The following FOXP4 variants were observed in gnomAD, a reference collection of about 807,000 sequenced individuals.
FOXP4 encodes forkhead box P4.
Under a neutral mutation model 82.6 loss-of-function variants are expected in FOXP4, and 25 were observed. The observed-to-expected ratio is 0.30, with a 90% CI of 0.22 to 0.42. FOXP4 has a LOEUF of 0.42. FOXP4 is among the 10% of genes least tolerant of loss of function. FOXP4 has a pLI of 1.00. For missense variants in FOXP4, 785 were observed against 900.9 expected (o/e 0.87, Z 1.65); for synonymous variants, 415 against 388.2 (o/e 1.07, Z -0.81).
intron 3 of FOXP4, among the ~76,000 whole-genome samples, chr6:41,583,234 T>TTGGGAGCCA: frequency 6.6e-6 from 1 of 152,154 alleles, no homozygotes; most frequent in East Asian, 1.9e-4. Context: ...GCGAGAGGTG[T>TTGGGAGCCA]TGGGAGCCAT....
chr6:41,584,524 T>A (rs752391635), intron 3 of FOXP4, among the ~76,000 whole-genome samples: 1 of 152,262 alleles, frequency 6.6e-6, no homozygotes, highest in South Asian at 2.1e-4. Context: ...ATTCACTGAT[T>A]AGTCCTTATG....
chr6:41,596,994 G>A (rs1168119264), intron 14 of FOXP4, among the ~76,000 whole-genome samples, 182 bp from the exon 15 acceptor site: 6 of 152,156 alleles, frequency 3.9e-5, no homozygotes, highest in East Asian at 1.9e-4. Flanking sequence ...CCAGTTGAGC[G>A]TGAAGACCGA....
chr6:41,563,263 C>T (rs557872498), intron 1 of FOXP4, among the ~76,000 whole-genome samples: 217 of 152,304 alleles, frequency 1.4e-3, no homozygotes, highest in Non-Finnish European at 2.4e-3. Flanking sequence ...TATCTCCTCC[C>T]GACTCTGCTT....
At chr6:41,597,041 C>T (rs1314301214) in intron 14 of FOXP4, 135 bp from the exon 15 acceptor site, 1 of 877,636 alleles carries the variant, frequency 1.1e-6, no homozygotes. Flanking sequence ...AAGACAGCGG[C>T]TGATCCGCCC....
At chr6:41,594,765 G>T in intron 13 of FOXP4, 105 bp from the exon 14 acceptor site, 1 of 1,531,280 alleles carries the variant, frequency 6.5e-7, no homozygotes, top group Non-Finnish European at 8.8e-7. Context: ...CCTGAGCTGG[G>T]GAAGGTGGGC....
At chr6:41,596,116 T>C (rs1766818379) in intron 14 of FOXP4, among the ~76,000 whole-genome samples, 1 of 152,206 alleles carries the variant, frequency 6.6e-6, no homozygotes, top group Admixed American at 6.5e-5. Flanking sequence ...CAGGCTGATC[T>C]CGAACTCCTG....
rs1368290628 is a variant in FOXP4 at position 41,587,143 on chromosome 6, G to C, written c.645G>C (p.Gln215His). ...LQPNQASGPL[Q>H]TLPQAAVCPT... ...CCAACCAAGCCTCGGGGCCCCTCCA[G>C]ACCCTTCCGCAAGGTGAGCACCCGC... The change falls in exon 6 of 17, where the codon CAG becomes CAC. Residue 215 changes from glutamine to histidine, a missense_variant. Coordinates refer to ENST00000307972, the MANE Select transcript of FOXP4 (RefSeq NM_001012426.2). 1 of 1,603,688 alleles carries C rather than the reference G, an allele frequency of 6.2e-7. No individual in the cohort carries two copies. Among genetic ancestry groups the C allele is most frequent in the Non-Finnish European group, 8.5e-7 (1 of 1,176,058 alleles).
chr6:41,577,374 T>C (rs1330931793), intron 2 of FOXP4, among the ~76,000 whole-genome samples: 1 of 152,174 alleles, frequency 6.6e-6, no homozygotes, highest in African/African-American at 2.4e-5. Flanking sequence ...TCCTCCCAAC[T>C]GTGTGCTCTG....
intron 1 of FOXP4, among the ~76,000 whole-genome samples, chr6:41,550,028 C>G (rs1324310198): frequency 1.3e-5 from 2 of 152,194 alleles, no homozygotes; most frequent in Non-Finnish European, 2.9e-5. Flanking sequence ...TTACCACGCT[C>G]CAGCTTCCCT....
intron 1 of FOXP4, chr6:41,547,486 G>A (rs9381075): frequency 0.35 from 52,828 of 152,368 alleles, 10,411 homozygotes; most frequent in African/African-American, 0.54. Flanking sequence ...TGGTGAAGAG[G>A]GGACTTGTCT....
At chr6:41,564,562 G>A (rs1315733910) in intron 1 of FOXP4, among the ~76,000 whole-genome samples, 1 of 152,200 alleles carries the variant, frequency 6.6e-6, no homozygotes, top group East Asian at 1.9e-4. Flanking sequence ...CTAGGGGGAT[G>A]TTTCAGCCAC....
At chr6:41,584,616 A>G (rs1321926914) in intron 3 of FOXP4, among the ~76,000 whole-genome samples, 153 bp from the exon 4 acceptor site, 1 of 152,210 alleles carries the variant, frequency 6.6e-6, no homozygotes, top group Non-Finnish European at 1.5e-5. Context: ...GTCACTGTCC[A>G]AAGAGAGAGA....
chr6:41,591,397 C>A lies in FOXP4; in HGVS notation c.1536+75C>A. 1 of 1,279,926 alleles carries A rather than the reference C, an allele frequency of 7.8e-7. No homozygotes were observed. The allele number at this position is 1,279,926 out of a possible 1,614,324, so 79.3% of individuals were successfully genotyped here. A position where few individuals can be genotyped will look rare whatever the true frequency, so the allele number is the denominator to read the frequency against. On this transcript the variant is annotated intron_variant, in intron 13 of 16. Transcript: ENST00000307972. This position sits in a 1 kb window ranked among gnomAD's most constrained non-coding sequence, Gnocchi z 4.2. ...CCATATCCCATGGAGACCAAGGCTG[C>A]CTAACAATTAGTTCCCTAAACCATT...
rs553612203 is a variant in FOXP4, at chr6:41,586,343, T to G, written c.511-666T>G. On this transcript the variant is annotated intron_variant, in intron 5 of 16. Transcript: ENST00000307972. ...TCTGCCTCTCAACCCACCCAGGACA[T>G]GCTTGGCTCATGGGGCTCAAGAGAG... 1.8e-4 allele frequency among the ~76,000 whole-genome samples: 26 copies of G among 145,404 alleles called. 1 individual carries two copies. Among genetic ancestry groups the G allele is most frequent in the Admixed American group, 1.2e-3 (17 of 14,742 alleles).
At chr6:41,569,522 ACT>A (rs1021471278) in intron 2 of FOXP4, among the ~76,000 whole-genome samples, 1 of 151,950 alleles carries the variant, frequency 6.6e-6, no homozygotes, top group African/African-American at 2.4e-5. Context: ...TACCCTTAGG[ACT>A]CTCTCTGATA....
intron 2 of FOXP4, among the ~76,000 whole-genome samples, chr6:41,572,337 C>G (rs116293590): frequency 2.0e-5 from 3 of 152,176 alleles, no homozygotes; most frequent in African/African-American, 7.2e-5. Context: ...CCATGGGACA[C>G]TCGCCACCAG....
intron 1 of FOXP4, among the ~76,000 whole-genome samples, chr6:41,547,129 C>T (rs1195284470): frequency 1.3e-5 from 2 of 151,846 alleles, no homozygotes; most frequent in Non-Finnish European, 1.5e-5. Flanking sequence ...CGGGCCGGAG[C>T]TGCCTCGGGA....
rs1278411154 is a variant in FOXP4 at position 41,587,291 on chromosome 6, T to C, written c.659-8T>C. 1 of 1,612,084 alleles carries C rather than the reference T, an allele frequency of 6.2e-7. No homozygotes were observed. Among genetic ancestry groups the C allele is most frequent in the East Asian group, 2.2e-5 (1 of 44,850 alleles). On this transcript the variant is annotated splice_region_variant and splice_polypyrimidine_tract_variant and intron_variant, in intron 6 of 16. Coordinates refer to ENST00000307972, the MANE Select transcript of FOXP4 (RefSeq NM_001012426.2). Reference sequence around the variant, plus strand: ...GGGCCCTGCCAGCCTCCCCTGTCTCTCCCACAGCAGCTGTTTGCCCAACAG... The same window carrying C: ...GGGCCCTGCCAGCCTCCCCTGTCTCCCCCACAGCAGCTGTTTGCCCAACAG...
At chr6:41,570,116 A>ACG (rs1765114078) in intron 2 of FOXP4, 1 of 347,346 alleles carries the variant, frequency 2.9e-6, no homozygotes, top group Non-Finnish European at 5.7e-6. Context: ...ACACACACAC[A>ACG]CGCAGTCAAC....
Sources: gnomAD v4.1 joint callset for allele counts (sites outside exome capture counted in the v4.1 genomes callset) on GRCh38, gnomAD v4.1.1 for gene constraint, Gnocchi (gnomAD v3.1) non-coding constraint, MANE v1.5 for transcripts, NCBI Gene and HGNC (gene_info 2026-07-23, HGNC 2026-07-21) for gene names.